Variants in EVI5 observed in about 807,000 individuals in gnomAD.
EVI5 encodes the protein ecotropic viral integration site 5 protein homolog.
EVI5 carries 73 observed loss-of-function variants against 112.0 expected under a neutral mutation model. The ratio of observed to expected loss-of-function variants is 0.65; its 90% CI spans 0.54 to 0.79. The LOEUF (loss-of-function observed/expected upper bound fraction) is 0.79, where lower values mean the gene tolerates loss of function less well. Among genes scored for constraint, EVI5 ranks in the 30% least tolerant of loss-of-function variants. The pLI is 0.00. For synonymous variants in EVI5, 305 were observed against 319.9 expected (o/e 0.95, Z 0.50); for missense variants, 900 against 968.8 (o/e 0.93, Z 0.94).
intron 1 of EVI5, among the ~76,000 whole-genome samples, chr1:92,750,898 C>A (rs936139260): frequency 6.6e-6 from 1 of 152,168 alleles, no homozygotes; most frequent in Non-Finnish European, 1.5e-5. Flanking sequence ...CGCCTGTAAT[C>A]CCAGCACTTT....
At chr1:92,636,805 CAAT>C (rs1658929849) in intron 13 of EVI5, among the ~76,000 whole-genome samples, 1 of 152,044 alleles carries the variant, frequency 6.6e-6, no homozygotes, top group Non-Finnish European at 1.5e-5. Flanking sequence ...AAAAAAATCT[CAAT>C]GATTTTTATA....
chr1:92,574,224 C>T (rs1480426693), intron 18 of EVI5, among the ~76,000 whole-genome samples: 1 of 152,038 alleles, frequency 6.6e-6, no homozygotes, highest in Non-Finnish European at 1.5e-5. Flanking sequence ...ATGGAATGTG[C>T]CCAGGATGTG....
intron 19 of EVI5, among the ~76,000 whole-genome samples, chr1:92,546,725 A>G (rs919427548): frequency 3.3e-5 from 5 of 152,098 alleles, no homozygotes; most frequent in Admixed American, 2.6e-4. Flanking sequence ...CAGACTTTAA[A>G]CCAACAAAGA....
At chr1:92,727,897 G>C (rs116493737) in intron 2 of EVI5, among the ~76,000 whole-genome samples, 2 of 151,728 alleles carry the variant, frequency 1.3e-5, no homozygotes, top group African/African-American at 4.8e-5. Context: ...GGGAGGCTGA[G>C]ATGGAAGAAC....
chr1:92,750,467 C>A (rs1313356061), intron 1 of EVI5, among the ~76,000 whole-genome samples: 1 of 152,190 alleles, frequency 6.6e-6, no homozygotes, highest in Non-Finnish European at 1.5e-5. Flanking sequence ...CTAACACTTT[C>A]ACGAACACGC....
intron 5 of EVI5, among the ~76,000 whole-genome samples, chr1:92,699,709 A>T (rs1670848522): frequency 6.6e-6 from 1 of 152,200 alleles, no homozygotes; most frequent in Non-Finnish European, 1.5e-5. Context: ...TGTACTGAAT[A>T]CTGTAGGCCA....
chr1:92,557,888 C>CTA (rs1667925897), intron 19 of EVI5, among the ~76,000 whole-genome samples: 1 of 129,834 alleles, frequency 7.7e-6, no homozygotes, highest in South Asian at 3.1e-4. Flanking sequence ...CCACGCCCAG[C>CTA]CAATTTTTGT....
At chr1:92,778,051 G>C (rs1027195243) in intron 1 of EVI5, among the ~76,000 whole-genome samples, 1 of 152,038 alleles carries the variant, frequency 6.6e-6, no homozygotes, top group African/African-American at 2.4e-5. Context: ...TGGGACTACA[G>C]GCGCACGCCA....
chr1:92,791,167 AT>A (rs1686066791), intron 1 of EVI5, among the ~76,000 whole-genome samples: 1 of 152,230 alleles, frequency 6.6e-6, no homozygotes, highest in African/African-American at 2.4e-5. Context: ...AAATTCATTC[AT>A]TTCTTGACTT....
intron 1 of EVI5, among the ~76,000 whole-genome samples, chr1:92,783,908 T>G (rs559778808): frequency 6.6e-6 from 1 of 152,168 alleles, no homozygotes; most frequent in African/African-American, 2.4e-5. Flanking sequence ...AAAAGTTACT[T>G]ACATCAGCTC....
intron 19 of EVI5, among the ~76,000 whole-genome samples, chr1:92,549,471 T>C (rs1273138318): frequency 2.0e-5 from 3 of 151,388 alleles, no homozygotes; most frequent in South Asian, 4.2e-4. Flanking sequence ...CCAAAAGCAA[T>C]GGCATCAAAA....
At chr1:92,743,346 C>A (rs765520513) in intron 1 of EVI5, among the ~76,000 whole-genome samples, 9 of 151,378 alleles carry the variant, frequency 5.9e-5, no homozygotes, top group Non-Finnish European at 1.3e-4. Flanking sequence ...AGCAAGACTC[C>A]GTCTCAAAAA....
intron 4 of EVI5, among the ~76,000 whole-genome samples, chr1:92,702,667 G>A (rs559144380): frequency 2.6e-5 from 4 of 151,010 alleles, no homozygotes; most frequent in East Asian, 1.9e-4. Flanking sequence ...TTAGCTGGGC[G>A]TAGTGGCGGG....
chr1:92,565,892 C>G (rs1369741204), intron 18 of EVI5, among the ~76,000 whole-genome samples: 2 of 132,018 alleles, frequency 1.5e-5, no homozygotes, highest in African/African-American at 5.8e-5. Context: ...ATCGCTTGAA[C>G]CTGGGAGGCG....
At chr1:92,742,195 T>C (rs1008164333) in intron 1 of EVI5, among the ~76,000 whole-genome samples, 3 of 151,952 alleles carry the variant, frequency 2.0e-5, no homozygotes, top group African/African-American at 4.8e-5. Context: ...AAATGGCCAA[T>C]AATCACAGGG....
rs962793058 is a variant in EVI5, at chr1:92,578,388, G to A, written c.2071-14651C>T. On this transcript the variant is annotated intron_variant, in intron 18 of 19. Coordinates refer to ENST00000684568, the MANE Select transcript of EVI5 (RefSeq NM_001350197.2). ...TTACCTGTGTGTATCCTCATAGGTG[G>A]CTTGAACTGAACATAGCCTGGGCCT... is the stretch of plus-strand genomic sequence containing the variant. Among the ~76,000 whole-genome samples the A allele has an allele frequency of 2.6e-5, 4 of 152,114 alleles. No homozygotes were observed. In the East Asian group the frequency reaches 7.7e-4, roughly 29 times the overall value.
intron 2 of EVI5, chr1:92,731,881 T>G (rs1676533489): frequency 6.6e-6 from 1 of 152,176 alleles, no homozygotes; most frequent in African/African-American, 2.4e-5. Context: ...GAGCTAAATG[T>G]CAAACTTAAA....
chr1:92,684,456 T>C (rs773012324), intron 9 of EVI5, among the ~76,000 whole-genome samples: 3 of 151,992 alleles, frequency 2.0e-5, no homozygotes, highest in African/African-American at 7.3e-5. Context: ...ACATGACAAA[T>C]TGTAAAGACC....
intron 18 of EVI5, among the ~76,000 whole-genome samples, chr1:92,576,856 A>G (rs773497244): frequency 2.0e-5 from 3 of 152,170 alleles, no homozygotes; most frequent in Non-Finnish European, 2.9e-5. Context: ...TTTCATTGTC[A>G]TCTTTGGTAG....
Sources: allele counts gnomAD v4.1 joint callset (sites outside exome capture counted in the v4.1 genomes callset), GRCh38; gene constraint gnomAD v4.1.1; transcripts MANE v1.5; gene names NCBI Gene and HGNC (gene_info 2026-07-23, HGNC 2026-07-21).